Variants in KCNMB2 observed in about 807,000 individuals in gnomAD.
KCNMB2 encodes the protein calcium-activated potassium channel subunit beta-2.
KCNMB2 carries 9 observed loss-of-function variants against 24.5 expected under a neutral mutation model. The observed-to-expected ratio is 0.37, with a 90% confidence interval of 0.22 to 0.64. The LOEUF (loss-of-function observed/expected upper bound fraction) is 0.64, where lower values mean the gene tolerates loss of function less well. Among genes scored for constraint, KCNMB2 ranks in the 30% least tolerant of loss-of-function variants. The pLI, the probability that KCNMB2 is intolerant of heterozygous loss-of-function variation, is 0.63. For missense variants in KCNMB2, 226 were observed against 284.3 expected (o/e 0.79, Z 1.47); for synonymous variants, 109 against 104.4 (o/e 1.04, Z -0.27).
intron 1 of KCNMB2, among the ~76,000 whole-genome samples, chr3:178,648,511 C>T (rs1719998266): frequency 6.6e-6 from 1 of 152,184 alleles, no homozygotes; most frequent in Non-Finnish European, 1.5e-5. Context: ...CACTTTACCC[C>T]AGTCTGAACT....
chr3:178,697,577 T>C (rs1439470678), intron 1 of KCNMB2, among the ~76,000 whole-genome samples: 2 of 152,210 alleles, frequency 1.3e-5, no homozygotes, highest in Admixed American at 6.5e-5. Context: ...CTCTATGCCT[T>C]TTATTTGGAG....
chr3:178,839,677 T>C (rs997898462), intron 4 of KCNMB2, among the ~76,000 whole-genome samples: 4 of 152,102 alleles, frequency 2.6e-5, no homozygotes, highest in African/African-American at 9.7e-5. Flanking sequence ...AGAGACAGCA[T>C]GAGGGCCAGG....
intron 1 of KCNMB2, among the ~76,000 whole-genome samples, chr3:178,686,439 T>C (rs1230578773): frequency 6.6e-6 from 1 of 152,210 alleles, no homozygotes; most frequent in African/African-American, 2.4e-5. Flanking sequence ...TTCCTCTCTG[T>C]GCCCTGTGTC....
intron 1 of KCNMB2, among the ~76,000 whole-genome samples, chr3:178,802,851 T>C (rs111303490): frequency 1.3e-5 from 2 of 151,436 alleles, no homozygotes; most frequent in African/African-American, 4.9e-5. Flanking sequence ...AAACCACTTT[T>C]CCTCTATTGA....
chr3:178,713,475 A>G (rs1722518001), intron 1 of KCNMB2, among the ~76,000 whole-genome samples: 1 of 152,224 alleles, frequency 6.6e-6, no homozygotes, highest in East Asian at 1.9e-4. Flanking sequence ...GCTAGAGCAA[A>G]AATATTTCTT....
intron 1 of KCNMB2, among the ~76,000 whole-genome samples, chr3:178,597,923 A>G (rs895851478): frequency 1.3e-5 from 2 of 152,082 alleles, no homozygotes; most frequent in Non-Finnish European, 2.9e-5. Flanking sequence ...AAGTTAAAAA[A>G]TTGGGGTGGG....
chr3:178,721,521 T>C (rs1722805609), intron 1 of KCNMB2, among the ~76,000 whole-genome samples: 1 of 152,220 alleles, frequency 6.6e-6, no homozygotes, highest in African/African-American at 2.4e-5. Context: ...TTGTAAGTAA[T>C]TTGCTATAAA....
intron 1 of KCNMB2, among the ~76,000 whole-genome samples, chr3:178,658,446 C>G (rs1177949106): frequency 1.3e-5 from 2 of 152,114 alleles, no homozygotes; most frequent in East Asian, 3.8e-4. Context: ...TACTTCCTCC[C>G]TTTTCTCTAG....
intron 2 of KCNMB2, among the ~76,000 whole-genome samples, chr3:178,809,252 G>T (rs1388201819): frequency 6.6e-6 from 1 of 152,146 alleles, no homozygotes; most frequent in Non-Finnish European, 1.5e-5. Context: ...TCAACAGCCA[G>T]CTGTCCTGAA....
chr3:178,840,039 G>A (rs762977101), intron 4 of KCNMB2, among the ~76,000 whole-genome samples: 4 of 152,140 alleles, frequency 2.6e-5, no homozygotes, highest in Non-Finnish European at 5.9e-5. Flanking sequence ...AAAATCAAAA[G>A]CAAGTTAGTT....
chr3:178,579,963 G>A (rs189207350), intron 1 of KCNMB2, among the ~76,000 whole-genome samples: 10 of 151,966 alleles, frequency 6.6e-5, no homozygotes, highest in Admixed American at 2.0e-4. Flanking sequence ...GGTACCATTC[G>A]TTCTGAAACT....
chr3:178,757,290 G>A (rs1301125771), intron 1 of KCNMB2, among the ~76,000 whole-genome samples: 3 of 99,854 alleles, frequency 3.0e-5, no homozygotes, highest in Non-Finnish European at 6.4e-5. Flanking sequence ...ATATCCAAGA[G>A]GATATATATA....
At chr3:178,571,459 T>TATATAG (rs1716785750) in intron 1 of KCNMB2, among the ~76,000 whole-genome samples, 1 of 52,374 alleles carries the variant, frequency 1.9e-5, no homozygotes, top group Non-Finnish European at 3.4e-5. Context: ...TATATATATA[T>TATATAG]ATATATATAT....
At chr3:178,632,340 A>G (rs918456606) in intron 1 of KCNMB2, among the ~76,000 whole-genome samples, 5 of 152,248 alleles carry the variant, frequency 3.3e-5, no homozygotes, top group Admixed American at 2.0e-4. Flanking sequence ...CACACTGCTA[A>G]TAAAGATATA....
intron 1 of KCNMB2, among the ~76,000 whole-genome samples, chr3:178,658,101 C>T (rs1720406047): frequency 6.6e-6 from 1 of 152,110 alleles, no homozygotes; most frequent in African/African-American, 2.4e-5. Flanking sequence ...TTGGTATTGG[C>T]ACTTTAGAAT....
chr3:178,736,683 C>T (rs1723327327), intron 1 of KCNMB2, among the ~76,000 whole-genome samples: 1 of 152,194 alleles, frequency 6.6e-6, no homozygotes, highest in Non-Finnish European at 1.5e-5. Flanking sequence ...AATGGGCATA[C>T]ACAGGTGCCC....
At chr3:178,751,062 ACT>A (rs1723829194) in intron 1 of KCNMB2, among the ~76,000 whole-genome samples, 3 of 151,766 alleles carry the variant, frequency 2.0e-5, no homozygotes, top group Non-Finnish European at 4.4e-5. Flanking sequence ...AACTCACATA[ACT>A]AAATAGTTTG....
At chr3:178,708,703 T>C (rs151303611) in intron 1 of KCNMB2, among the ~76,000 whole-genome samples, 129 of 152,202 alleles carry the variant, frequency 8.5e-4, no homozygotes, top group African/African-American at 3.0e-3. Flanking sequence ...CATTTAATTC[T>C]CAGCAAAAAA....
chr3:178,590,191 C>T (rs184977113), intron 1 of KCNMB2, among the ~76,000 whole-genome samples: 160 of 152,252 alleles, frequency 1.1e-3, no homozygotes, highest in Admixed American at 4.1e-3. Flanking sequence ...CCTTCTCTCT[C>T]TTATTTAGTG....
Sources: allele counts gnomAD v4.1 joint callset (sites outside exome capture counted in the v4.1 genomes callset), GRCh38; gene constraint gnomAD v4.1.1; transcripts MANE v1.5; gene names NCBI Gene and HGNC (gene_info 2026-07-23, HGNC 2026-07-21).